TMPRSS3: variants seen among roughly 807,000 people sequenced by gnomAD.
TMPRSS3 encodes transmembrane serine protease 3, also known as transmembrane protease serine 3.
A neutral mutation model predicts 59.6 loss-of-function variants in TMPRSS3; 55 were observed. The ratio of observed to expected loss-of-function variants is 0.92; its 90% CI spans 0.74 to 1.16. The LOEUF (loss-of-function observed/expected upper bound fraction) is 1.16, where lower values mean the gene tolerates loss of function less well. Among genes scored for constraint, TMPRSS3 ranks in the 50% most tolerant of loss-of-function variants. The probability of loss-of-function intolerance (pLI) is 0.00; values close to 1 mark genes in which losing one functional copy is unlikely to be tolerated. For synonymous variants in TMPRSS3, 257 were observed against 237.7 expected, an observed-to-expected ratio of 1.08 and a Z score of -0.75; for missense variants, 596 against 579.4, an observed-to-expected ratio of 1.03 and a Z score of -0.29.
chr21:42,378,912 C>T (rs8132293), intron 10 of TMPRSS3, among the ~76,000 whole-genome samples: 1 of 150,806 alleles, frequency 6.6e-6, no homozygotes, highest in Non-Finnish European at 1.5e-5. Context: ...TGAGATGGAG[C>T]CTTGCTCTGT....
chr21:42,384,037 CTG>C, intron 6 of TMPRSS3, 24 bp from the exon 7 acceptor site: 17 of 1,613,372 alleles, frequency 1.1e-5, no homozygotes, highest in Non-Finnish European at 1.4e-5. Context: ...AAAGTAGGCT[CTG>C]TGAAAAATGC....
rs747054153 is a variant in TMPRSS3, at chr21:42,385,414, A to T, written c.567T>A (p.Tyr189Ter). 6.2e-7 allele frequency: 1 copy of T among 1,613,932 alleles called. No individual in the cohort carries two copies. The highest frequency in any genetic ancestry group is 2.2e-5 in the East Asian group (1 of 44,862). Residue 189 changes from tyrosine (Y) to a stop codon, truncating the protein, a stop_gained, in exon 6 of 13, where the codon TAT (tyrosine) becomes TAA (stop). Coordinates refer to ENST00000644384, the MANE Select transcript of TMPRSS3 (RefSeq NM_001256317.3). LOFTEE classifies it high-confidence loss of function. Reference protein sequence around the residue: ...DKVTALHHSVYVREGCASGHV... With the variant: ...DKVTALHHSV ...AGCATCGCCTGACCACCTACCTCACATATACTGAGTGGTGTAATGCAGTCA... is the reference window on the plus strand; with the variant it reads ...AGCATCGCCTGACCACCTACCTCACTTATACTGAGTGGTGTAATGCAGTCA...
At chr21:42,377,872 T>C (rs960342878) in intron 10 of TMPRSS3, among the ~76,000 whole-genome samples, 4 of 152,232 alleles carry the variant, frequency 2.6e-5, no homozygotes, top group African/African-American at 9.6e-5. Context: ...CAGGGGCTCG[T>C]CGGACCTTTT....
intron 12 of TMPRSS3, among the ~76,000 whole-genome samples, chr21:42,375,052 G>A (rs1430133167): frequency 3.3e-5 from 5 of 152,108 alleles, no homozygotes; most frequent in South Asian, 4.2e-4. Context: ...TGAGAAAGGC[G>A]CCGTGTTCAC....
rs554763027 is a variant in TMPRSS3, at chr21:42,372,141, G to A, written c.*621C>T. On this transcript the variant is annotated 3_prime_UTR_variant, in exon 13 of 13. Transcript: ENST00000644384. ...TGAGTGGCTGTTGGTGGCTTTGCAC[G>A]TGAGGTCACATAACTGCTTATCTCG... 15 of 454,066 alleles carry A rather than the reference G, an allele frequency of 3.3e-5. No individual in the cohort carries two copies. Among genetic ancestry groups the A allele is most frequent in the African/African-American group, 1.8e-4 (9 of 50,130 alleles). The allele number at this position is 454,066 out of a possible 1,614,324, so 28.1% of individuals were successfully genotyped here.
rs756404398 is a variant in TMPRSS3 at position 42,385,489 on chromosome 21, C to G, written c.492G>C (p.Gln164His). 1 of 1,614,184 alleles carries G rather than the reference C, an allele frequency of 6.2e-7. No homozygotes were observed. The highest frequency in any genetic ancestry group is 8.5e-7 in the Non-Finnish European group (1 of 1,180,036). ...CGATGGACACAAACTCCTCCCGGAA[C>G]TGCCCCTCCAGCGAGCTCACTCTGA... ...DNLRVSSLEG[Q>H]FREEFVSIDH... Residue 164 changes from glutamine (Q) to histidine (H), a missense_variant, in exon 6 of 13, where the codon CAG (glutamine) becomes CAC (histidine). Coordinates refer to ENST00000644384, the MANE Select transcript of TMPRSS3 (RefSeq NM_001256317.3).
In TMPRSS3 at chr21:42,376,698, G is replaced by C; in HGVS notation, c.1049-15C>G. 1 of 1,613,858 alleles carries C rather than the reference G, an allele frequency of 6.2e-7. No homozygotes were observed. Among genetic ancestry groups the C allele is most frequent in the Non-Finnish European group, 8.5e-7 (1 of 1,180,026 alleles). ...GGAGGCGTCACCTGCTTCAAAGTGA[G>C]TGAGGGGATGTGTGTGAGAAGGAAG... On this transcript the variant is annotated splice_polypyrimidine_tract_variant and intron_variant, in intron 10 of 12. Coordinates refer to ENST00000644384, the MANE Select transcript of TMPRSS3 (RefSeq NM_001256317.3).
intron 6 of TMPRSS3, among the ~76,000 whole-genome samples, chr21:42,384,316 C>T (rs1049597284): frequency 2.6e-5 from 4 of 152,174 alleles, no homozygotes; most frequent in African/African-American, 9.7e-5. Flanking sequence ...CAACATGTCA[C>T]GCTGTCATTG....
At chr21:42,389,109 GT>G in intron 3 of TMPRSS3, 64 bp from the exon 4 acceptor site, 1 of 1,606,750 alleles carries the variant, frequency 6.2e-7, no homozygotes, top group South Asian at 1.1e-5. Context: ...ACTAACAACT[GT>G]CCCCCTGCCA....
chr21:42,385,891 G>A (rs1314355590), intron 5 of TMPRSS3, among the ~76,000 whole-genome samples: 1 of 152,126 alleles, frequency 6.6e-6, no homozygotes, highest in Non-Finnish European at 1.5e-5. Context: ...CAAGTCCAGA[G>A]GGGAGGTGAG....
At chr21:42,393,445 T>G (rs1407398070) in intron 2 of TMPRSS3, among the ~76,000 whole-genome samples, 1 of 152,060 alleles carries the variant, frequency 6.6e-6, no homozygotes, top group Non-Finnish European at 1.5e-5. Context: ...CAGATGAAAG[T>G]TTTGACCTAG....
chr21:42,382,255 G>T (rs995610516), intron 8 of TMPRSS3, 21 bp from the exon 9 acceptor site: 12 of 1,611,060 alleles, frequency 7.4e-6, no homozygotes, highest in Non-Finnish European at 1.0e-5. Flanking sequence ...AAGAGCAAGA[G>T]GTGAAGCACA....
chr21:42,375,948 G>A, intron 11 of TMPRSS3, 80 bp from the exon 12 acceptor site: 2 of 1,581,878 alleles, frequency 1.3e-6, no homozygotes, highest in Non-Finnish European at 1.7e-6. Flanking sequence ...TCTGCCGTGT[G>A]AGGCTGCTTG....
intron 7 of TMPRSS3, 61 bp downstream of exon 7, chr21:42,383,909 A>C: frequency 8.3e-6 from 13 of 1,569,782 alleles, no homozygotes; most frequent in Non-Finnish European, 1.1e-5. Context: ...TCTGAGGGCA[A>C]GGAGATAGGA....
Position 42,375,961 on chromosome 21 carries a change from A to G in TMPRSS3, c.1192-93T>C, listed in dbSNP as rs1157073975. 1.3e-5 allele frequency: 20 copies of G among 1,551,042 alleles called. No homozygotes were observed. In the East Asian group the frequency reaches 2.2e-4, roughly 17 times the overall value. On this transcript the variant is annotated intron_variant, in intron 11 of 12. Coordinates refer to ENST00000644384, the MANE Select transcript of TMPRSS3 (RefSeq NM_001256317.3). The stretch of plus-strand genomic sequence containing the variant: ...AGTCTGCCGTGTGAGGCTGCTTGCT[A>G]TGGAGTTGGGACCCCCCTTCATGAT...
intron 10 of TMPRSS3, among the ~76,000 whole-genome samples, chr21:42,378,967 C>T (rs886719675): frequency 2.0e-5 from 3 of 152,136 alleles, no homozygotes; most frequent in African/African-American, 7.2e-5. Flanking sequence ...TCACTGCAAC[C>T]TCCGCCTCCT....
Position 42,389,946 on chromosome 21 carries a change from T to C in TMPRSS3, c.186A>G (p.Ala62=). Reference sequence around the variant, plus strand: ...ACTCACTGCCCAGACCAATGGCCAGTGCTAATATCAATGCAATGATCCCAA... The same window carrying C: ...ACTCACTGCCCAGACCAATGGCCAGCGCTAATATCAATGCAATGATCCCAA... ...IVIGIIALIL[A]LAIGLGIHFD... is the part of the protein sequence containing the mutation. The change falls in exon 3 of 13, where the codon GCA becomes GCG. Residue 62 remains alanine, a synonymous_variant. Transcript: ENST00000644384. 6.2e-7 allele frequency: 1 copy of C among 1,613,430 alleles called. No individual in the cohort carries two copies. Among genetic ancestry groups the C allele is most frequent in the Non-Finnish European group, 8.5e-7 (1 of 1,179,342 alleles).
At chr21:42,394,651 C>A (rs2052778878) in intron 2 of TMPRSS3, among the ~76,000 whole-genome samples, 1 of 152,206 alleles carries the variant, frequency 6.6e-6, no homozygotes, top group Non-Finnish European at 1.5e-5. Flanking sequence ...CCCCCACTCC[C>A]ACTTTCTGGA....
chr21:42,389,781 C>G lies in TMPRSS3; in HGVS notation c.205+146G>C, dbSNP rs2052702894. On this transcript the variant is annotated intron_variant, in intron 3 of 12. Transcript: ENST00000644384. ...TTTACATTCATGTGGGCAAATAAAA[C>G]TTCAAGTCAGCAAACCAAAAGGATG... The G allele has an allele frequency of 5.7e-6, 4 of 705,010 alleles. No homozygotes were observed. The East Asian group carries it at 1.1e-4, about 19-fold the overall frequency. The allele number at this position is 705,010 out of a possible 1,614,324, so 43.7% of individuals were successfully genotyped here.
Sources: gnomAD v4.1 joint callset for allele counts (sites outside exome capture counted in the v4.1 genomes callset) on GRCh38, gnomAD v4.1.1 for gene constraint, MANE v1.5 for transcripts, NCBI Gene and HGNC (gene_info 2026-07-23, HGNC 2026-07-21) for gene names.